The following MVB12B variants were observed in gnomAD, a reference collection of about 807,000 sequenced individuals.
The protein encoded by MVB12B is multivesicular body subunit 12B, also known as ESCRT-I complex subunit MVB12B.
In MVB12B, 16 loss-of-function variants were observed where a neutral mutation model predicts 41.6. The observed-to-expected ratio is 0.38, with a 90% confidence interval of 0.26 to 0.58. The LOEUF is 0.58. MVB12B is among the 20% of genes least tolerant of loss of function. The pLI, the probability that MVB12B is intolerant of heterozygous loss-of-function variation, is 0.62. For synonymous variants in MVB12B, 133 were observed against 139.7 expected (o/e 0.95, Z 0.34); for missense variants, 274 against 380.2 (o/e 0.72, Z 2.32).
intron 8 of MVB12B, 78 bp downstream of exon 8, chr9:126,481,502 G>A (rs890906978): frequency 8.9e-5 from 96 of 1,076,028 alleles, no homozygotes; most frequent in Non-Finnish European, 1.2e-4. Context: ...TACACAGCAC[G>A]CAGGGCTGTT....
In MVB12B at chr9:126,486,472, A is replaced by G. The variant is rs1833621383; in HGVS notation, c.873+2440A>G. Among the ~76,000 whole-genome samples, 2 of 152,194 alleles carry G rather than the reference A, an allele frequency of 1.3e-5. No homozygotes were observed. ...TCCACTGTGGACAGGGGCAAGTCAC[A>G]TACCTGCTGTTTACCATGGGGTCAC... On this transcript the variant is annotated intron_variant, in intron 9 of 9. Transcript: ENST00000361171. The surrounding 1 kb of genome is among the most constrained non-coding windows in gnomAD (Gnocchi z 4.7).
chr9:126,393,867 G>T (rs1353780198), intron 5 of MVB12B, among the ~76,000 whole-genome samples: 1 of 152,246 alleles, frequency 6.6e-6, no homozygotes, highest in Non-Finnish European at 1.5e-5. Context: ...TCCTGGCTCA[G>T]GCCTGTACTC....
intron 2 of MVB12B, among the ~76,000 whole-genome samples, chr9:126,374,974 G>A (rs1245455175): frequency 1.3e-5 from 2 of 152,140 alleles, no homozygotes; most frequent in Non-Finnish European, 2.9e-5. Flanking sequence ...CCCCTGCCCT[G>A]TCTCCCCACC....
chr9:126,381,757 A>G (rs1830644903), intron 3 of MVB12B, among the ~76,000 whole-genome samples: 1 of 151,706 alleles, frequency 6.6e-6, no homozygotes, highest in East Asian at 1.9e-4. Context: ...AAAAACATCT[A>G]ATAAGATATT....
intron 9 of MVB12B, 70 bp downstream of exon 9, chr9:126,484,102 T>C: frequency 6.9e-7 from 1 of 1,446,090 alleles, no homozygotes; most frequent in Non-Finnish European, 9.7e-7. Flanking sequence ...CTCTCGTGTG[T>C]TCCCCTAGGG....
intron 2 of MVB12B, among the ~76,000 whole-genome samples, chr9:126,360,697 G>A (rs1474592518): frequency 6.6e-6 from 1 of 152,148 alleles, no homozygotes; most frequent in Non-Finnish European, 1.5e-5. Flanking sequence ...GACTATAATT[G>A]TGGATGAGTC....
chr9:126,327,293 G>A, intron 1 of MVB12B: 1 of 985,268 alleles, frequency 1.0e-6, no homozygotes, highest in Non-Finnish European at 1.2e-6. Flanking sequence ...CAAGGCCCGG[G>A]CAGGTGAGGG....
At chr9:126,370,609 T>G (rs748403420) in intron 2 of MVB12B, among the ~76,000 whole-genome samples, 5 of 152,136 alleles carry the variant, frequency 3.3e-5, no homozygotes, top group Non-Finnish European at 7.4e-5. Context: ...CTTGAACTCC[T>G]GACCTGAAGT....
chr9:126,328,299 C>T (rs1351273264), intron 1 of MVB12B, among the ~76,000 whole-genome samples: 2 of 152,078 alleles, frequency 1.3e-5, no homozygotes, highest in Admixed American at 1.3e-4. Flanking sequence ...GTTGACGTGG[C>T]GATTACTGGT....
Position 126,389,701 on chromosome 9 carries a change from C to T in MVB12B, c.410-2365C>T, listed in dbSNP as rs1315452808. On this transcript the variant is annotated intron_variant, in intron 4 of 9. Coordinates refer to ENST00000361171, the MANE Select transcript of MVB12B (RefSeq NM_033446.3). This position sits in a 1 kb window ranked among gnomAD's most constrained non-coding sequence, Gnocchi z 4.4. The stretch of plus-strand genomic sequence containing the variant: ...AAGGCCGATCTGATCAGCTGATAAT[C>T]TTTGAAGTTGCAGAGTTGCCATGAG... Among the ~76,000 whole-genome samples, 1 of 152,078 alleles carries T rather than the reference C, an allele frequency of 6.6e-6. No individual in the cohort carries two copies. Among genetic ancestry groups the T allele is most frequent in the African/African-American group, 2.4e-5 (1 of 41,394 alleles).
At chr9:126,487,353 C>T (rs1010137026) in intron 9 of MVB12B, among the ~76,000 whole-genome samples, 5 of 152,162 alleles carry the variant, frequency 3.3e-5, no homozygotes, top group African/African-American at 1.2e-4. Context: ...GGGCGTGAGT[C>T]GGCACAGGCC....
Position 126,484,046 on chromosome 9 carries a change from C to G in MVB12B, c.873+14C>G. ...ATCGAAAAAGAGGTAAGCAAGCCAT[C>G]AGGGGAGGGGAGGGCAGGCCTGGGC... On this transcript the variant is annotated intron_variant, in intron 9 of 9. Coordinates refer to ENST00000361171, the MANE Select transcript of MVB12B (RefSeq NM_033446.3). The G allele has an allele frequency of 6.2e-7, 1 of 1,613,624 alleles. No individual in the cohort carries two copies. The highest frequency in any genetic ancestry group is 8.5e-7 in the Non-Finnish European group (1 of 1,179,744).
At position 126,406,444 on chromosome 9, in the gene MVB12B, A is replaced by T. The variant is rs150545057; in HGVS notation, c.662+10747A>T. ...ATGTGCTGCATTCAGTCCAGACTGCAGCTTGCCCTGCGCTCTCACGCACAC... is the reference window on the plus strand; with the variant it reads ...ATGTGCTGCATTCAGTCCAGACTGCTGCTTGCCCTGCGCTCTCACGCACAC... On this transcript the variant is annotated intron_variant, in intron 6 of 9. Coordinates refer to ENST00000361171, the MANE Select transcript of MVB12B (RefSeq NM_033446.3). Among the ~76,000 whole-genome samples the T allele has an allele frequency of 3.9e-5, 6 of 152,372 alleles. No individual in the cohort carries two copies. In the East Asian group the frequency reaches 1.2e-3, roughly 29 times the overall value.
intron 6 of MVB12B, among the ~76,000 whole-genome samples, chr9:126,419,269 G>C (rs1831925733): frequency 1.3e-5 from 2 of 152,118 alleles, no homozygotes; most frequent in Admixed American, 1.3e-4. Context: ...TACTTCCCTG[G>C]CTCCTGGAAA....
chr9:126,494,989 T>A (rs2119228872), intron 9 of MVB12B, among the ~76,000 whole-genome samples: 1 of 152,048 alleles, frequency 6.6e-6, no homozygotes, highest in African/African-American at 2.4e-5. Flanking sequence ...CCCATGAGTT[T>A]GAGATCAGTC....
intron 3 of MVB12B, among the ~76,000 whole-genome samples, chr9:126,383,515 G>A (rs1341428960): frequency 6.6e-6 from 1 of 152,160 alleles, no homozygotes; most frequent in Non-Finnish European, 1.5e-5. Context: ...GTTATCTGTG[G>A]CTACCTTAAA....
chr9:126,433,303 C>T (rs1031557906), intron 7 of MVB12B, among the ~76,000 whole-genome samples: 1 of 149,974 alleles, frequency 6.7e-6, no homozygotes, highest in African/African-American at 2.5e-5. Flanking sequence ...AGGGGATACA[C>T]CAGGTATCCC....
chr9:126,342,124 A>C (rs552747379), intron 2 of MVB12B, among the ~76,000 whole-genome samples: 1 of 152,258 alleles, frequency 6.6e-6, no homozygotes, highest in Non-Finnish European at 1.5e-5. Flanking sequence ...GCTAATAAAA[A>C]TGTTCCTGAT....
At chr9:126,352,897 G>C (rs907280761) in intron 2 of MVB12B, among the ~76,000 whole-genome samples, 2 of 152,200 alleles carry the variant, frequency 1.3e-5, no homozygotes, top group African/African-American at 4.8e-5. Context: ...CAGGAAGTAT[G>C]CTATTGTGTG....
Sources: gnomAD v4.1 joint callset for allele counts (sites outside exome capture counted in the v4.1 genomes callset) on GRCh38, gnomAD v4.1.1 for gene constraint, Gnocchi (gnomAD v3.1) non-coding constraint, MANE v1.5 for transcripts, NCBI Gene and HGNC (gene_info 2026-07-23, HGNC 2026-07-21) for gene names.